HIVEP1: variants seen among roughly 807,000 people sequenced by gnomAD.
HIVEP1 encodes the protein HIVEP zinc finger 1, also known as zinc finger protein 40.
HIVEP1 carries 36 observed loss-of-function variants against 180.0 expected under a neutral mutation model. The ratio of observed to expected loss-of-function variants is 0.20; its 90% CI spans 0.15 to 0.26. The LOEUF (loss-of-function observed/expected upper bound fraction) is 0.26, where lower values mean the gene tolerates loss of function less well. Among genes scored for constraint, HIVEP1 ranks in the 10% least tolerant of loss-of-function variants. The probability of loss-of-function intolerance (pLI) is 1.00; values close to 1 mark genes in which losing one functional copy is unlikely to be tolerated. For missense variants in HIVEP1, 3,143 were observed against 3,268.7 expected, an observed-to-expected ratio of 0.96 and a Z score of 0.94; for synonymous variants, 1,239 against 1,239.0, an observed-to-expected ratio of 1.00 and a Z score of 0.00.
chr6:12,168,633 C>T (rs1412087255), downstream of HIVEP1, among the ~76,000 whole-genome samples: 1 of 151,656 alleles, frequency 6.6e-6, no homozygotes, highest in Non-Finnish European at 1.5e-5. Flanking sequence ...TCTGTGCTAG[C>T]AATATAGGGT....
At chr6:12,118,122 A>G (rs1775331719) in intron 3 of HIVEP1, among the ~76,000 whole-genome samples, 1 of 130,936 alleles carries the variant, frequency 7.6e-6, no homozygotes, top group Non-Finnish European at 1.6e-5. Flanking sequence ...CAAATATTTT[A>G]GTTATGAGAC....
At chr6:12,088,783 TCTTAG>T (rs1773271063) in intron 2 of HIVEP1, among the ~76,000 whole-genome samples, 1 of 152,168 alleles carries the variant, frequency 6.6e-6, no homozygotes, top group South Asian at 2.1e-4. Context: ...CTGTCTTAAG[TCTTAG>T]CTTTGCTTAA....
At chr6:12,056,843 G>A (rs1230496227) in intron 2 of HIVEP1, among the ~76,000 whole-genome samples, 1 of 143,740 alleles carries the variant, frequency 7.0e-6, no homozygotes. Context: ...TTTTGTTTTT[G>A]TTTTTTTTTT....
chr6:12,181,810 G>A, the HIVEP1 span, among the ~76,000 whole-genome samples: 1 of 152,138 alleles, frequency 6.6e-6, no homozygotes, highest in African/African-American at 2.4e-5. Flanking sequence ...TGTAGAAGTG[G>A]TTCTTCTTAC....
At chr6:12,095,956 A>G (rs1268487026) in intron 3 of HIVEP1, among the ~76,000 whole-genome samples, 1 of 152,042 alleles carries the variant, frequency 6.6e-6, no homozygotes, top group Non-Finnish European at 1.5e-5. Context: ...TCACCTACAG[A>G]AATGTTACGA....
At chr6:12,161,414 C>T (rs1331861594) in intron 7 of HIVEP1, 25 bp from the exon 8 acceptor site, 1 of 1,592,794 alleles carries the variant, frequency 6.3e-7, no homozygotes, top group Non-Finnish European at 8.6e-7. Context: ...CATTCCATCA[C>T]ATACCTCTTG....
intron 7 of HIVEP1, among the ~76,000 whole-genome samples, chr6:12,146,632 T>C (rs1759389981): frequency 6.6e-6 from 1 of 152,214 alleles, no homozygotes; most frequent in Admixed American, 6.5e-5. Context: ...TTATTGGTTA[T>C]TGGAGCAGAT....
intron 2 of HIVEP1, among the ~76,000 whole-genome samples, chr6:12,081,859 A>G (rs1772810368): frequency 6.6e-6 from 1 of 151,994 alleles, no homozygotes; most frequent in Admixed American, 6.6e-5. Flanking sequence ...GTCCTGTCCC[A>G]TAACTTCCTC....
the HIVEP1 span, among the ~76,000 whole-genome samples, chr6:12,210,297 C>T: frequency 2.6e-5 from 4 of 152,100 alleles, no homozygotes; most frequent in Non-Finnish European, 4.4e-5. Context: ...GTTATGCCTC[C>T]GTCCAAACAC....
chr6:12,070,688 C>T (rs1459865073), intron 2 of HIVEP1, among the ~76,000 whole-genome samples: 2 of 152,072 alleles, frequency 1.3e-5, no homozygotes, highest in African/African-American at 2.4e-5. Context: ...AGTCACTATC[C>T]ATATTTCTAC....
chr6:12,135,830 A>G lies in HIVEP1; in HGVS notation c.6425A>G (p.Lys2142Arg). The change falls in exon 7 of 9, where the codon AAG (lysine) becomes AGG (arginine). Residue 2142 changes from lysine to arginine, a missense_variant. Physicochemically the swap from Lys to Arg is conservative, Grantham distance 26. Coordinates refer to ENST00000379388, the MANE Select transcript of HIVEP1 (RefSeq NM_002114.4). ...TKHMKSKAHS[K>R]KCVDLGVSVG... ...CACATGAAGTCCAAGGCACATAGCA[A>G]GAAATGTGTGGATTTAGGCGTCTCA... 3.1e-6 allele frequency: 5 copies of G among 1,613,068 alleles called. No homozygotes were observed. Among genetic ancestry groups the G allele is most frequent in the East Asian group, 2.2e-5 (1 of 44,818 alleles).
chr6:12,125,066 C>T lies in HIVEP1; in HGVS notation c.5271C>T (p.Ala1757=). ...CCCCAGCAAATAGTTTAGACATTGC[C>T]ATGGAAAAGCACCAGAAGCGGGCCA... ...MLSPANSLDI[A]MEKHQKRAKD... Residue 1757 remains alanine (A), a synonymous_variant, in exon 4 of 9, where the codon GCC becomes GCT. Coordinates refer to ENST00000379388, the MANE Select transcript of HIVEP1 (RefSeq NM_002114.4). 1 of 1,613,956 alleles carries T rather than the reference C, an allele frequency of 6.2e-7. No homozygotes were observed. Among genetic ancestry groups the T allele is most frequent in the South Asian group, 1.1e-5 (1 of 91,018 alleles).
chr6:12,193,057 A>G, the HIVEP1 span, among the ~76,000 whole-genome samples: 1 of 152,196 alleles, frequency 6.6e-6, no homozygotes, highest in Non-Finnish European at 1.5e-5. Flanking sequence ...TAGAGCTGTT[A>G]TAAGGCTTAC....
chr6:12,044,561 T>G lies in HIVEP1; in HGVS notation c.40+28893T>G, dbSNP rs984799368. On this transcript the variant is annotated intron_variant, in intron 2 of 8. Coordinates refer to ENST00000379388, the MANE Select transcript of HIVEP1 (RefSeq NM_002114.4). ...CACCTGTGTACAGCTGAGGGCTCAC[T>G]GTGCCCCCCTCAAAGCCAGTGCACC... Among the ~76,000 whole-genome samples the G allele has an allele frequency of 2.0e-5, 3 of 150,974 alleles. No homozygotes were observed. The East Asian group carries it at 5.8e-4, about 29-fold the overall frequency.
chr6:12,011,270 T>TGCCCCC (rs1767268015), upstream of HIVEP1, among the ~76,000 whole-genome samples: 5 of 71,624 alleles, frequency 7.0e-5, no homozygotes, highest in East Asian at 3.8e-4. Flanking sequence ...CCCCTTGGGG[T>TGCCCCC]CCCCCCCCCC....
At chr6:12,143,718 C>T (rs967493225) in intron 7 of HIVEP1, among the ~76,000 whole-genome samples, 12 of 152,214 alleles carry the variant, frequency 7.9e-5, no homozygotes, top group Non-Finnish European at 1.3e-4. Flanking sequence ...GTGCAAAAAT[C>T]ACAAGCATTC....
chr6:12,178,268 A>G, the HIVEP1 span, among the ~76,000 whole-genome samples: 1 of 152,226 alleles, frequency 6.6e-6, no homozygotes, highest in African/African-American at 2.4e-5. Flanking sequence ...GGAAAAGTCA[A>G]ATAACACACT....
At chr6:12,032,870 C>G (rs1769042598) in intron 2 of HIVEP1, among the ~76,000 whole-genome samples, 1 of 152,150 alleles carries the variant, frequency 6.6e-6, no homozygotes, top group Non-Finnish European at 1.5e-5. Context: ...CAGTGTATTT[C>G]TTTCAGGGTA....
chr6:12,172,734 T>A, the HIVEP1 span, among the ~76,000 whole-genome samples: 1 of 152,126 alleles, frequency 6.6e-6, no homozygotes, highest in East Asian at 1.9e-4. Flanking sequence ...GTTGAGATAA[T>A]TGCTCAGGGT....
Sources: allele counts gnomAD v4.1 joint callset (sites outside exome capture counted in the v4.1 genomes callset), GRCh38; gene constraint gnomAD v4.1.1; transcripts MANE v1.5; gene names NCBI Gene and HGNC (gene_info 2026-07-23, HGNC 2026-07-21).